Variants in BMPR1A observed in about 807,000 individuals in gnomAD.
The protein encoded by BMPR1A is bone morphogenetic protein receptor type-1A.
Under a neutral mutation model 66.0 loss-of-function variants are expected in BMPR1A, and 7 were observed. The observed-to-expected ratio is 0.11, with a 90% CI of 0.06 to 0.20. BMPR1A has a LOEUF of 0.20. BMPR1A is among the 10% of genes least tolerant of loss of function. BMPR1A has a pLI of 1.00. For synonymous variants in BMPR1A, 200 were observed against 229.7 expected (o/e 0.87, Z 1.17); for missense variants, 408 against 669.1 (o/e 0.61, Z 4.31).
At chr10:86,852,289 AAC>A (rs1204167567) in intron 2 of BMPR1A, among the ~76,000 whole-genome samples, 1 of 152,216 alleles carries the variant, frequency 6.6e-6, no homozygotes, top group Non-Finnish European at 1.5e-5. Flanking sequence ...GAAATTTAAA[AAC>A]ACACTTCTGT....
At chr10:86,801,461 A>G (rs373939432) in intron 1 of BMPR1A, among the ~76,000 whole-genome samples, 1 of 152,194 alleles carries the variant, frequency 6.6e-6, no homozygotes, top group East Asian at 1.9e-4. Flanking sequence ...TTAGAGATTA[A>G]TATCACCTAG....
chr10:86,894,574 G>C (rs974130139), intron 5 of BMPR1A, among the ~76,000 whole-genome samples: 1 of 152,156 alleles, frequency 6.6e-6, no homozygotes, highest in African/African-American at 2.4e-5. Context: ...GGCCCCTAGT[G>C]TAGGCCTGTC....
intron 3 of BMPR1A, among the ~76,000 whole-genome samples, chr10:86,882,984 C>A (rs746462515): frequency 6.6e-6 from 1 of 151,754 alleles, no homozygotes; most frequent in Non-Finnish European, 1.5e-5. Flanking sequence ...ACAAAAAAAC[C>A]ATCAAAAACT....
At chr10:86,805,377 T>TACACACACACACAGACACAC (rs1841874761) in intron 1 of BMPR1A, among the ~76,000 whole-genome samples, 1 of 142,984 alleles carries the variant, frequency 7.0e-6, no homozygotes. Flanking sequence ...CTCCTACCTG[T>TACACACACACACAGACACAC]ACACACACAC....
At chr10:86,916,649 A>T (rs961259262) in intron 8 of BMPR1A, among the ~76,000 whole-genome samples, 1 of 152,232 alleles carries the variant, frequency 6.6e-6, no homozygotes, top group Admixed American at 6.5e-5. Flanking sequence ...CCACTTGAAT[A>T]ACCTGTTTAT....
At position 86,921,525 on chromosome 10, in the gene BMPR1A, C is replaced by G. The variant is rs1589292560; in HGVS notation, c.1172C>G (p.Thr391Arg). 1 of 1,614,008 alleles carries G rather than the reference C, an allele frequency of 6.2e-7. No individual in the cohort carries two copies. Residue 391 changes from threonine (T) to arginine (R), a missense_variant, in exon 11 of 13, where the codon ACA becomes AGA. By Grantham distance (71) the Thr-to-Arg change is moderately conservative. This residue lies in a region of BMPR1A where 130 missense variants were observed against 257.3 expected (regional missense o/e 0.51). Transcript: ENST00000372037. ...LGLAVKFNSD[T>R]NEVDVPLNTR... is the part of the protein sequence containing the mutation. ...TTGGCTTTCTTTTGTTTCAGTGACA[C>G]AAATGAAGTTGATGTGCCCTTGAAT...
At chr10:86,819,351 C>T (rs1842085933) in intron 1 of BMPR1A, among the ~76,000 whole-genome samples, 1 of 152,128 alleles carries the variant, frequency 6.6e-6, no homozygotes, top group African/African-American at 2.4e-5. Context: ...CGCTCTGTCT[C>T]CCAGGCTGGA....
intron 2 of BMPR1A, among the ~76,000 whole-genome samples, chr10:86,842,171 A>T (rs1178190793): frequency 6.6e-6 from 1 of 152,038 alleles, no homozygotes; most frequent in Non-Finnish European, 1.5e-5. Context: ...AACCTGTGGG[A>T]TCTGATGCTG....
At chr10:86,858,879 C>T (rs1218668363) in intron 2 of BMPR1A, among the ~76,000 whole-genome samples, 1 of 152,082 alleles carries the variant, frequency 6.6e-6, no homozygotes, top group Non-Finnish European at 1.5e-5. Flanking sequence ...AATGCAATCC[C>T]TATCAAAATA....
intron 2 of BMPR1A, among the ~76,000 whole-genome samples, chr10:86,870,983 C>G (rs1842847284): frequency 1.3e-5 from 2 of 152,274 alleles, no homozygotes; most frequent in South Asian, 2.1e-4. Context: ...CTGATCTGGT[C>G]TTTGTCTTCT....
rs1843287389 is a variant in BMPR1A, at chr10:86,900,082, C to T, written c.486C>T (p.Val162=). Residue 162 remains valine, a synonymous_variant, in exon 7 of 13, where the codon GTC becomes GTT. Coordinates refer to ENST00000372037, the MANE Select transcript of BMPR1A (RefSeq NM_004329.3). ...RWLVLLISMA[V]CIIAMIIFSS... Reference sequence around the variant, plus strand: ...TGGTTTTGCTCATTTCTATGGCTGTCTGCATAATTGCTATGATCATCTTCT... The same window carrying T: ...TGGTTTTGCTCATTTCTATGGCTGTTTGCATAATTGCTATGATCATCTTCT... 1 of 1,614,044 alleles carries T rather than the reference C, an allele frequency of 6.2e-7. No homozygotes were observed. The highest frequency in any genetic ancestry group is 1.3e-5 in the African/African-American group (1 of 75,032).
chr10:86,873,304 G>T (rs1589755810), intron 2 of BMPR1A, among the ~76,000 whole-genome samples: 1 of 152,046 alleles, frequency 6.6e-6, no homozygotes, highest in Non-Finnish European at 1.5e-5. Flanking sequence ...CCAGATGCAG[G>T]CCAGTTGCAG....
intron 3 of BMPR1A, among the ~76,000 whole-genome samples, chr10:86,880,974 G>T: frequency 6.6e-6 from 1 of 152,124 alleles, no homozygotes. Context: ...GCCAAGGCAG[G>T]AGGATCACTT....
downstream of BMPR1A, chr10:86,928,666 T>TG (rs1000145667): frequency 5.1e-5 from 6 of 118,540 alleles, no homozygotes; most frequent in African/African-American, 2.1e-4. Flanking sequence ...CTTTTCAATC[T>TG]TTTTTTTTGA....
intron 2 of BMPR1A, among the ~76,000 whole-genome samples, chr10:86,849,165 A>C (rs907622376): frequency 2.6e-5 from 4 of 152,214 alleles, no homozygotes; most frequent in African/African-American, 9.6e-5. Context: ...ATTCCTGCCT[A>C]CACTTAATCA....
chr10:86,858,443 A>T (rs917256073), intron 2 of BMPR1A, among the ~76,000 whole-genome samples: 2 of 152,204 alleles, frequency 1.3e-5, no homozygotes, highest in African/African-American at 4.8e-5. Flanking sequence ...GAAGACTGGA[A>T]GTCCTAGCTA....
intron 2 of BMPR1A, chr10:86,855,973 C>T: frequency 1.6e-6 from 1 of 624,850 alleles, no homozygotes; most frequent in Non-Finnish European, 3.0e-6. Flanking sequence ...CCAGAATGGC[C>T]ACTTTGCCCT....
chr10:86,834,027 G>C (rs1055202792), intron 1 of BMPR1A, among the ~76,000 whole-genome samples: 6 of 152,168 alleles, frequency 3.9e-5, no homozygotes, highest in Non-Finnish European at 5.9e-5. Flanking sequence ...TTCAAACCCA[G>C]AATTGCATGC....
In BMPR1A at chr10:86,898,107, A is replaced by G. The variant is rs1383858046; in HGVS notation, c.334-1687A>G. On this transcript the variant is annotated intron_variant, in intron 5 of 12. Transcript: ENST00000372037. ...TTTTTAAAAATTATTATTTTTAGAG[A>G]TAGGGTCTCACTACATTGCTCAGGC... is the stretch of plus-strand genomic sequence containing the variant. 3.9e-5 allele frequency among the ~76,000 whole-genome samples: 6 copies of G among 151,904 alleles called. 1 individual carries two copies. Among genetic ancestry groups the G allele is most frequent in the Non-Finnish European group, 7.4e-5 (5 of 67,982 alleles).
Sources: gnomAD v4.1 joint callset for allele counts (sites outside exome capture counted in the v4.1 genomes callset) on GRCh38, gnomAD v4.1.1 for gene constraint, gnomAD v4.1.1 regional missense constraint, MANE v1.5 for transcripts, NCBI Gene and HGNC (gene_info 2026-07-23, HGNC 2026-07-21) for gene names.